TXN2: variants seen among roughly 807,000 people sequenced by gnomAD.
TXN2 encodes thioredoxin, mitochondrial.
In TXN2, 12 loss-of-function variants were observed where a neutral mutation model predicts 14.6. That is an observed-to-expected ratio of 0.82 (90% CI 0.53 to 1.33). The LOEUF (loss-of-function observed/expected upper bound fraction) is 1.33, where lower values mean the gene tolerates loss of function less well. TXN2 is among the 40% of genes most tolerant of loss of function. TXN2 has a pLI of 0.00. For missense variants in TXN2, 173 were observed against 207.7 expected (o/e 0.83, Z 1.03); for synonymous variants, 89 against 81.0 (o/e 1.10, Z -0.53).
Position 36,476,835 on chromosome 22 carries a change from G to T in TXN2, c.285C>A (p.Ile95=). The T allele has an allele frequency of 6.2e-7, 1 of 1,614,124 alleles. No homozygotes were observed. The highest frequency in any genetic ancestry group is 2.2e-5 in the East Asian group (1 of 44,878). The part of the protein sequence containing the change: ...FHAQWCGPCK[I]LGPRLEKMVA... ...CCATCTTCTCTAACCTCGGCCCCAG[G>T]ATCTTGCAGGGTCCACACCACCTCA... is the stretch of plus-strand genomic sequence containing the variant. Residue 95 remains isoleucine (I), a synonymous_variant, in exon 3 of 4, where the codon ATC becomes ATA. Coordinates refer to ENST00000216185, the MANE Select transcript of TXN2 (RefSeq NM_012473.4).
chr22:36,473,124 T>C (rs1396711588), intron 3 of TXN2, among the ~76,000 whole-genome samples: 1 of 152,116 alleles, frequency 6.6e-6, no homozygotes, highest in Admixed American at 6.6e-5. Context: ...CTGGTCAACA[T>C]GGTGAAACCC....
intron 3 of TXN2, among the ~76,000 whole-genome samples, 197 bp from the exon 4 acceptor site, chr22:36,468,114 C>T (rs148563365): frequency 5.3e-5 from 8 of 152,314 alleles, no homozygotes; most frequent in Non-Finnish European, 7.3e-5. Flanking sequence ...GCTGAAGAAA[C>T]GTCTTCCATT....
At chr22:36,477,668 A>C (rs551826993) in intron 2 of TXN2, among the ~76,000 whole-genome samples, 1 of 152,296 alleles carries the variant, frequency 6.6e-6, no homozygotes, top group South Asian at 2.1e-4. Flanking sequence ...AATGGCCTGG[A>C]GCGTCTACAA....
At chr22:36,470,980 C>T (rs542934888) in intron 3 of TXN2, among the ~76,000 whole-genome samples, 74 of 147,946 alleles carry the variant, frequency 5.0e-4, no homozygotes, top group Non-Finnish European at 7.5e-4. Context: ...CACATATATA[C>T]ACACACACAC....
intron 3 of TXN2, among the ~76,000 whole-genome samples, chr22:36,470,560 TAAG>T (rs66891882): frequency 0.13 from 19,563 of 152,062 alleles, 1,473 homozygotes; most frequent in African/African-American, 0.21. Flanking sequence ...TGCCACTGTA[TAAG>T]AAGTGGCCTA....
At chr22:36,476,942 G>A in intron 2 of TXN2, 86 bp from the exon 3 acceptor site, 2 of 1,575,722 alleles carry the variant, frequency 1.3e-6, no homozygotes, top group Non-Finnish European at 8.6e-7. Flanking sequence ...ATCTTTCCAA[G>A]GAATCTTTTG....
chr22:36,477,075 C>T (rs546815053), intron 2 of TXN2, among the ~76,000 whole-genome samples: 1 of 152,270 alleles, frequency 6.6e-6, no homozygotes, highest in East Asian at 1.9e-4. Context: ...CATCAGAAGA[C>T]TCATAATAAA....
chr22:36,477,954 T>C (rs532231631), intron 2 of TXN2, among the ~76,000 whole-genome samples: 2 of 151,966 alleles, frequency 1.3e-5, no homozygotes, highest in South Asian at 4.2e-4. Flanking sequence ...CTGGCCAACA[T>C]GGTAAAACCT....
At position 36,467,807 on chromosome 22, in the gene TXN2, G is replaced by T. The variant is rs148340233; in HGVS notation, c.498C>A (p.Gly166=). The change falls in exon 4 of 4, where the codon GGC becomes GGA. Residue 166 remains glycine, a synonymous_variant. Transcript: ENST00000216185. ...AACCAGGACTCATCCCTGCTTGTCA[G>T]CCAATCAGCTTCTTCAGGAAGGCCT... The part of the protein sequence containing the change: ...QLEAFLKKLI[G] 4 of 1,613,098 alleles carry T rather than the reference G, an allele frequency of 2.5e-6. No individual in the cohort carries two copies. Among genetic ancestry groups the T allele is most frequent in the Non-Finnish European group, 3.4e-6 (4 of 1,179,680 alleles).
intron 3 of TXN2, among the ~76,000 whole-genome samples, chr22:36,468,157 C>A (rs1933199401): frequency 6.6e-6 from 1 of 152,202 alleles, no homozygotes; most frequent in South Asian, 2.1e-4. Context: ...CCTCCCTTAA[C>A]CACAAGACTG....
At chr22:36,476,263 A>G (rs1361404788) in intron 3 of TXN2, among the ~76,000 whole-genome samples, 1 of 152,134 alleles carries the variant, frequency 6.6e-6, no homozygotes, top group African/African-American at 2.4e-5. Context: ...GAGGATCAAG[A>G]GCCACCTCTG....
chr22:36,469,956 C>T lies in TXN2; in HGVS notation c.388-2039G>A, dbSNP rs575247003. Reference sequence around the variant, plus strand: ...GGGCGACAGAGCAAGACTCTGTTCCCCCCCTCAAAATAAATAAATAAAAAT... The same window carrying T: ...GGGCGACAGAGCAAGACTCTGTTCCTCCCCTCAAAATAAATAAATAAAAAT... On this transcript the variant is annotated intron_variant, in intron 3 of 3. Transcript: ENST00000216185. 1.5e-3 allele frequency among the ~76,000 whole-genome samples: 231 copies of T among 152,048 alleles called. 1 individual carries two copies. Among genetic ancestry groups the T allele is most frequent in the African/African-American group, 5.5e-3 (228 of 41,468 alleles).
intron 3 of TXN2, among the ~76,000 whole-genome samples, chr22:36,470,543 T>C (rs944674614): frequency 2.0e-5 from 3 of 150,472 alleles, no homozygotes; most frequent in African/African-American, 7.4e-5. Flanking sequence ...TTAAAATATA[T>C]GCTTTATGCC....
intron 3 of TXN2, 114 bp downstream of exon 3, chr22:36,476,619 G>T: frequency 1.4e-6 from 2 of 1,429,448 alleles, no homozygotes; most frequent in South Asian, 1.3e-5. Flanking sequence ...GAAAAACCAA[G>T]ACACCTTGCT....
rs754527088 is a variant in TXN2 at position 36,480,671 on chromosome 22, C to T, written c.167G>A (p.Arg56Lys). ...PNPARTIYTT[R>K]ISLTTFNIQD... ...GATATTAAAGGTTGTCAAGGAGATC[C>T]TCGTGGTGTATATTGTCCGGGCTGG... Residue 56 changes from arginine (R) to lysine (K), a missense_variant, in exon 2 of 4, where the codon AGG (arginine) becomes AAG (lysine). Physicochemically the swap from Arg to Lys is conservative, Grantham distance 26. Coordinates refer to ENST00000216185, the MANE Select transcript of TXN2 (RefSeq NM_012473.4). 10 of 1,614,110 alleles carry T rather than the reference C, an allele frequency of 6.2e-6. No individual in the cohort carries two copies. The highest frequency in any genetic ancestry group is 8.5e-6 in the Non-Finnish European group (10 of 1,180,038).
At chr22:36,470,999 T>C (rs1427628041) in intron 3 of TXN2, among the ~76,000 whole-genome samples, 2 of 151,822 alleles carry the variant, frequency 1.3e-5, no homozygotes, top group African/African-American at 4.8e-5. Flanking sequence ...ACATACACAC[T>C]ACCCGCACTA....
intron 3 of TXN2, among the ~76,000 whole-genome samples, chr22:36,475,526 A>C (rs1933368571): frequency 6.6e-6 from 1 of 152,218 alleles, no homozygotes; most frequent in African/African-American, 2.4e-5. Flanking sequence ...TTGTAAATAA[A>C]GTTTTATTGT....
chr22:36,467,403 C>A lies in TXN2; in HGVS notation c.*401G>T, dbSNP rs188926779. ...TTTTCTTTTTCTTTTTACAAAACAG[C>A]AGCTGGAAAGAGAAATGTAGGTGGC... On this transcript the variant is annotated 3_prime_UTR_variant, in exon 4 of 4. Coordinates refer to ENST00000216185, the MANE Select transcript of TXN2 (RefSeq NM_012473.4). 42 of 189,226 alleles carry A rather than the reference C, an allele frequency of 2.2e-4. 1 individual carries two copies. The East Asian group carries it at 4.5e-3, about 20-fold the overall frequency. 11.7% of individuals were successfully genotyped at this position (189,226 alleles called of 1,614,324 possible).
intron 3 of TXN2, 101 bp from the exon 4 acceptor site, chr22:36,468,018 C>A: frequency 1.0e-6 from 1 of 973,866 alleles, no homozygotes; most frequent in Non-Finnish European, 1.6e-6. Flanking sequence ...TTATCCAGGG[C>A]ACTGACTTCC....
Sources: gnomAD v4.1 joint callset for allele counts (sites outside exome capture counted in the v4.1 genomes callset) on GRCh38, gnomAD v4.1.1 for gene constraint, MANE v1.5 for transcripts, NCBI Gene and HGNC (gene_info 2026-07-23, HGNC 2026-07-21) for gene names.